ITGA4: variants seen among roughly 807,000 people sequenced by gnomAD.
ITGA4 encodes the protein integrin subunit alpha 4.
ITGA4 carries 63 observed loss-of-function variants against 133.6 expected under a neutral mutation model. The observed-to-expected ratio is 0.47, with a 90% CI of 0.38 to 0.58. The LOEUF (loss-of-function observed/expected upper bound fraction) is 0.58, where lower values mean the gene tolerates loss of function less well. ITGA4 is among the 20% of genes least tolerant of loss of function. The pLI is 0.00. For synonymous variants in ITGA4, 483 were observed against 438.0 expected, an observed-to-expected ratio of 1.10 and a Z score of -1.28; for missense variants, 1,076 against 1,252.7, an observed-to-expected ratio of 0.86 and a Z score of 2.13.
At chr2:181,499,121 G>A (rs1192300240) in intron 15 of ITGA4, among the ~76,000 whole-genome samples, 1 of 152,014 alleles carries the variant, frequency 6.6e-6, no homozygotes, top group Non-Finnish European at 1.5e-5. Flanking sequence ...CTATTCCGTG[G>A]TACGTTTTTT....
rs116497944 is a variant in ITGA4, at chr2:181,471,988, G to A, written c.320-2972G>A. Among the ~76,000 whole-genome samples, 1,323 of 150,730 alleles carry A rather than the reference G, an allele frequency of 8.8e-3. 22 individuals are homozygous for A. The highest frequency in any genetic ancestry group is 0.03 in the African/African-American group (1,242 of 41,262). The stretch of plus-strand genomic sequence containing the variant: ...CTTAAAATAGCCTAATGATTTAGTG[G>A]CCCTTTTCCCAGAGAGCTGAGAGGC... On this transcript the variant is annotated intron_variant, in intron 2 of 27. Transcript: ENST00000397033.
intron 2 of ITGA4, among the ~76,000 whole-genome samples, chr2:181,472,608 A>G (rs952233687): frequency 6.6e-6 from 1 of 152,210 alleles, no homozygotes; most frequent in African/African-American, 2.4e-5. Flanking sequence ...ACCATTTGTT[A>G]TCTATTTTTG....
chr2:181,527,297 G>A lies in ITGA4; in HGVS notation c.2340G>A (p.Gly780=), dbSNP rs771393005. 46 of 1,595,732 alleles carry A rather than the reference G, an allele frequency of 2.9e-5. No individual in the cohort carries two copies. In the South Asian group the frequency reaches 5.0e-4, roughly 17 times the overall value. ...TTAAATTTGAATTTGTTTTTACCAG[G>A]TTTGTAAACCCAACTTCATTTGTGT... The part of the protein sequence containing the change: ...LKYEVKLTVH[G]FVNPTSFVYG... The change falls in exon 22 of 28, where the codon GGG becomes GGA. Residue 780 remains glycine (G), a splice_region_variant and synonymous_variant. Transcript: ENST00000397033.
rs369946607 is a variant in ITGA4, at chr2:181,531,727, A to G, written c.2735A>G (p.Glu912Gly). The G allele has an allele frequency of 6.2e-7, 1 of 1,608,826 alleles. No individual in the cohort carries two copies. Among genetic ancestry groups the G allele is most frequent in the Non-Finnish European group, 8.5e-7 (1 of 1,177,026 alleles). Residue 912 changes from glutamate to glycine, a missense_variant, in exon 25 of 28, where the codon GAA (glutamate) becomes GGA (glycine). Transcript: ENST00000397033. Reference protein sequence around the residue: ...CNFGKMESGKEASVHIQLEGR... With the variant: ...CNFGKMESGKGASVHIQLEGR... ...TTTGGGAAAATGGAAAGTGGAAAAG[A>G]AGCCAGTGTTCATATCCAACTGGAA...
Position 181,475,003 on chromosome 2 carries a change from G to C in ITGA4, c.363G>C (p.Glu121Asp), listed in dbSNP as rs1197694882. ...CTTGTGGAAAGACTTGTTTGGAAGAGAGAGACAATCAGTGGTTGGGGGTCA... is the reference window on the plus strand; with the variant it reads ...CTTGTGGAAAGACTTGTTTGGAAGACAGAGACAATCAGTGGTTGGGGGTCA... ...GEPCGKTCLE[E>D]RDNQWLGVTL... The change falls in exon 3 of 28, where the codon GAG (glutamate) becomes GAC (aspartate). Residue 121 changes from glutamate to aspartate, a missense_variant. This residue lies in a region of ITGA4 where 436 missense variants were observed against 590.7 expected (regional missense o/e 0.74). Transcript: ENST00000397033. 1 of 1,613,982 alleles carries C rather than the reference G, an allele frequency of 6.2e-7. No homozygotes were observed. The highest frequency in any genetic ancestry group is 1.3e-5 in the African/African-American group (1 of 74,932).
At chr2:181,474,865 G>C in intron 2 of ITGA4, 95 bp from the exon 3 acceptor site, 1 of 817,038 alleles carries the variant, frequency 1.2e-6, no homozygotes, top group Non-Finnish European at 2.0e-6. Context: ...TAGAGAAGTA[G>C]TTAACAGAAA....
intron 10 of ITGA4, 185 bp downstream of exon 10, chr2:181,486,177 C>A: frequency 1.6e-6 from 1 of 634,010 alleles, no homozygotes; most frequent in Non-Finnish European, 2.5e-6. Context: ...TTGATCTTTA[C>A]CACTGTTAAT....
At position 181,523,495 on chromosome 2, in the gene ITGA4, G is replaced by A; in HGVS notation, c.2132G>A (p.Cys711Tyr). 1 of 1,606,040 alleles carries A rather than the reference G, an allele frequency of 6.2e-7. No individual in the cohort carries two copies. Among genetic ancestry groups the A allele is most frequent in the Non-Finnish European group, 8.5e-7 (1 of 1,172,936 alleles). The change falls in exon 19 of 28, where the codon TGC becomes TAC. Residue 711 changes from cysteine to tyrosine, a missense_variant. Transcript: ENST00000397033. The surrounding 1 kb of genome is among the most constrained non-coding windows in gnomAD (Gnocchi z 4.2). ...TDNSGVVQLD[C>Y]SIGYIYVDHL... ...AACTCTGGCGTGGTACAACTTGACT[G>A]CAGTATTGGCTATATATATGTAGAT...
In ITGA4 at chr2:181,485,907, A is replaced by G. The variant is rs1685903465; in HGVS notation, c.1068A>G (p.Thr356=). The change falls in exon 10 of 28, where the codon ACA becomes ACG. Residue 356 remains threonine, a synonymous_variant. Coordinates refer to ENST00000397033, the MANE Select transcript of ITGA4 (RefSeq NM_000885.6). ...GSGAVMNAME[T]NLVGSDKYAA... ...GAGCAGTAATGAATGCAATGGAAAC[A>G]AACCTCGTTGGAAGTGACAAATATG... 3 of 1,605,042 alleles carry G rather than the reference A, an allele frequency of 1.9e-6. No homozygotes were observed. Among genetic ancestry groups the G allele is most frequent in the Admixed American group, 1.8e-5 (1 of 57,034 alleles).
intron 15 of ITGA4, 87 bp from the exon 16 acceptor site, chr2:181,509,571 G>A (rs1446647724): frequency 7.1e-6 from 7 of 986,290 alleles, no homozygotes; most frequent in Non-Finnish European, 1.0e-5. Context: ...CATGTATAGT[G>A]TTTGGCCCTT....
At chr2:181,487,741 C>T (rs1235391101) in intron 10 of ITGA4, among the ~76,000 whole-genome samples, 3 of 152,014 alleles carry the variant, frequency 2.0e-5, no homozygotes, top group Admixed American at 6.6e-5. Context: ...GAATATGTGC[C>T]ATAATAAATG....
intron 27 of ITGA4, 39 bp from the exon 28 acceptor site, chr2:181,535,391 TTC>T (rs1462941267): frequency 6.7e-7 from 1 of 1,483,566 alleles, no homozygotes; most frequent in South Asian, 1.2e-5. Context: ...TAAGAGAGTG[TTC>T]ATAACTATAC....
Position 181,537,041 on chromosome 2 carries a change from TGAG to T in ITGA4, c.*1515_*1517del. Reference sequence around the variant, plus strand: ...ATGTTCTGAGATTTGCGAAGGCATTTGAGTAGTGAAATGTAAGCACAAAACCTC... The same window carrying T: ...ATGTTCTGAGATTTGCGAAGGCATTTTAGTGAAATGTAAGCACAAAACCTC... On this transcript the variant is annotated 3_prime_UTR_variant, in exon 28 of 28. Transcript: ENST00000397033. The T allele has an allele frequency of 2.2e-6, 1 of 444,792 alleles. No individual in the cohort carries two copies. The highest frequency in any genetic ancestry group is 4.5e-6 in the Non-Finnish European group (1 of 221,838). The allele number at this position is 444,792 out of a possible 1,614,324, so 27.6% of individuals were successfully genotyped here. A position where few individuals can be genotyped will look rare whatever the true frequency, so the allele number is the denominator to read the frequency against.
chr2:181,479,996 G>A (rs910299904), intron 5 of ITGA4, 141 bp from the exon 6 acceptor site: 23 of 471,110 alleles, frequency 4.9e-5, no homozygotes, highest in African/African-American at 4.5e-4. Context: ...TTTTTTCCTA[G>A]TATGTTTTAA....
intron 21 of ITGA4, among the ~76,000 whole-genome samples, 188 bp from the exon 22 acceptor site, chr2:181,527,109 T>C (rs1029824989): frequency 1.3e-5 from 2 of 152,054 alleles, no homozygotes; most frequent in African/African-American, 4.8e-5. Context: ...TTGCTGGGAT[T>C]ACAGGCATGA....
chr2:181,494,030 C>A (rs1458641250), intron 11 of ITGA4, among the ~76,000 whole-genome samples: 1 of 152,022 alleles, frequency 6.6e-6, no homozygotes, highest in East Asian at 1.9e-4. Flanking sequence ...GAAAAATGAG[C>A]AAATGGTTCT....
intron 17 of ITGA4, among the ~76,000 whole-genome samples, chr2:181,517,965 A>T (rs1686643880): frequency 6.6e-6 from 1 of 151,988 alleles, no homozygotes; most frequent in South Asian, 2.1e-4. Flanking sequence ...GCTCTTCTAC[A>T]AGTCTTAATT....
chr2:181,494,069 G>C (rs557545029), intron 11 of ITGA4, among the ~76,000 whole-genome samples: 41 of 152,252 alleles, frequency 2.7e-4, no homozygotes, highest in African/African-American at 8.4e-4. Flanking sequence ...AAATGTATTT[G>C]TCTAGTAAAA....
At chr2:181,533,045 C>G (rs1265285589) in intron 25 of ITGA4, among the ~76,000 whole-genome samples, 1 of 148,000 alleles carries the variant, frequency 6.8e-6, no homozygotes, top group Non-Finnish European at 1.5e-5. Context: ...AATTCAACAA[C>G]AAAAACATAT....
Sources: allele counts gnomAD v4.1 joint callset (sites outside exome capture counted in the v4.1 genomes callset), GRCh38; gene constraint gnomAD v4.1.1; regional missense constraint gnomAD v4.1.1; non-coding constraint Gnocchi (gnomAD v3.1); transcripts MANE v1.5; gene names NCBI Gene and HGNC (gene_info 2026-07-23, HGNC 2026-07-21).